The following ACTG2 variants were observed in gnomAD, a reference collection of about 807,000 sequenced individuals.
ACTG2 encodes actin, gamma-enteric smooth muscle.
In ACTG2, 16 loss-of-function variants were observed where a neutral mutation model predicts 37.6. The observed-to-expected ratio is 0.43, with a 90% confidence interval of 0.29 to 0.65. The LOEUF (loss-of-function observed/expected upper bound fraction) is 0.65, where lower values mean the gene tolerates loss of function less well. ACTG2 is among the 30% of genes least tolerant of loss of function. The pLI, the probability that ACTG2 is intolerant of heterozygous loss-of-function variation, is 0.18. For missense variants in ACTG2, 238 were observed against 490.9 expected, an observed-to-expected ratio of 0.48 and a Z score of 4.87; for synonymous variants, 181 against 179.9, an observed-to-expected ratio of 1.01 and a Z score of -0.05.
intron 5 of ACTG2, among the ~76,000 whole-genome samples, chr2:73,910,328 T>C (rs1035825764): frequency 6.6e-6 from 1 of 151,456 alleles, no homozygotes; most frequent in Non-Finnish European, 1.5e-5. Flanking sequence ...TTTTACTTTT[T>C]TTGTAGTGAC....
chr2:73,917,188 A>AAAAT (rs3835742), intron 8 of ACTG2, among the ~76,000 whole-genome samples: 78,711 of 150,604 alleles, frequency 0.52, 22,124 homozygotes, highest in Non-Finnish European at 0.61. Context: ...CCTGTCTCTA[A>AAAAT]AAATAAATAA....
rs1013391651 is a variant in ACTG2 at position 73,908,505 on chromosome 2, T to C, written c.256-168T>C. 9.3e-6 allele frequency: 6 copies of C among 642,918 alleles called. No individual in the cohort carries two copies. The African/African-American group carries it at 1.1e-4, about 12-fold the overall frequency. The allele number at this position is 642,918 out of a possible 1,614,324, so 39.8% of individuals were successfully genotyped here. On this transcript the variant is annotated intron_variant, in intron 3 of 8. Transcript: ENST00000345517. Reference sequence around the variant, plus strand: ...TACCTGGGGCCCTGTTGAGAAGGAGTATACCCTTTAAATGTCAATCAGAAA... The same window carrying C: ...TACCTGGGGCCCTGTTGAGAAGGAGCATACCCTTTAAATGTCAATCAGAAA...
chr2:73,909,263 T>G, intron 5 of ACTG2, 124 bp downstream of exon 5: 1 of 797,448 alleles, frequency 1.3e-6, no homozygotes, highest in Non-Finnish European at 2.1e-6. Context: ...AAATCTTTCT[T>G]AGGGATAATA....
Position 73,916,700 on chromosome 2 carries a change from C to G in ACTG2, c.922C>G (p.Pro308Ala). ...NVLSGGTTMYPGIADRMQKEI... is the reference protein window; with the variant it reads ...NVLSGGTTMYAGIADRMQKEI... ...CCTCTCTGGGGGCACCACCATGTACCCTGGCATTGCTGACAGGATGCAGAA... is the reference window on the plus strand; with the variant it reads ...CCTCTCTGGGGGCACCACCATGTACGCTGGCATTGCTGACAGGATGCAGAA... Residue 308 changes from proline to alanine, a missense_variant, in exon 8 of 9, where the codon CCT (proline) becomes GCT (alanine). Transcript: ENST00000345517. The G allele has an allele frequency of 1.2e-6, 2 of 1,614,100 alleles. No individual in the cohort carries two copies. The highest frequency in any genetic ancestry group is 1.7e-5 in the Admixed American group (1 of 59,998).
At chr2:73,911,911 T>C (rs981292274) in intron 5 of ACTG2, among the ~76,000 whole-genome samples, 10 of 152,248 alleles carry the variant, frequency 6.6e-5, no homozygotes, top group Non-Finnish European at 1.5e-4. Flanking sequence ...TCATTAATCA[T>C]TTATTCACTG....
intron 1 of ACTG2, among the ~76,000 whole-genome samples, chr2:73,898,201 G>A (rs1679790996): frequency 6.7e-6 from 1 of 148,924 alleles, no homozygotes; most frequent in African/African-American, 2.4e-5. Context: ...CCCCAAAGTA[G>A]TGACGAAGGC....
At chr2:73,910,200 G>A (rs1255432145) in intron 5 of ACTG2, among the ~76,000 whole-genome samples, 1 of 140,216 alleles carries the variant, frequency 7.1e-6, no homozygotes, top group Non-Finnish European at 1.6e-5. Flanking sequence ...GTGTGACAGA[G>A]CGAGACTCCG....
At chr2:73,909,776 C>T (rs190524612) in intron 5 of ACTG2, among the ~76,000 whole-genome samples, 3 of 152,160 alleles carry the variant, frequency 2.0e-5, no homozygotes, top group East Asian at 1.9e-4. Flanking sequence ...GTGTAGGGCA[C>T]TTACATGAAT....
chr2:73,905,035 C>T (rs1186560082), intron 3 of ACTG2, among the ~76,000 whole-genome samples: 1 of 151,226 alleles, frequency 6.6e-6, no homozygotes, highest in African/African-American at 2.4e-5. Flanking sequence ...AAAGTTAAAA[C>T]AATTTGATAC....
intron 3 of ACTG2, among the ~76,000 whole-genome samples, chr2:73,907,935 C>G (rs1458510640): frequency 1.3e-5 from 2 of 152,194 alleles, no homozygotes; most frequent in African/African-American, 4.8e-5. Context: ...AAATTGAGCC[C>G]AAGTGCCTCT....
chr2:73,896,332 T>C (rs1014764635), intron 1 of ACTG2, among the ~76,000 whole-genome samples: 9 of 128,802 alleles, frequency 7.0e-5, no homozygotes, highest in Non-Finnish European at 1.3e-4. Flanking sequence ...GGTGACAGAG[T>C]GAGGCCCAGT....
intron 3 of ACTG2, chr2:73,908,226 T>C (rs761523233): frequency 1.3e-5 from 6 of 467,772 alleles, no homozygotes; most frequent in Non-Finnish European, 2.6e-5. Context: ...GGAACTGTGC[T>C]CATGGAGGGC....
rs765425340 is a variant in ACTG2 at position 73,908,655 on chromosome 2, G to A, written c.256-18G>A. On this transcript the variant is annotated intron_variant, in intron 3 of 8. Coordinates refer to ENST00000345517, the MANE Select transcript of ACTG2 (RefSeq NM_001615.4). ...CATTGGGAGTCTGCCAGGCTCATAT[G>A]GCTTTTGTCTCCACTAGATCTGGCA... 6.3e-7 allele frequency: 1 copy of A among 1,581,866 alleles called. No homozygotes were observed. Among genetic ancestry groups the A allele is most frequent in the Admixed American group, 1.9e-5 (1 of 53,778 alleles).
chr2:73,917,897 G>C (rs1056586355), intron 8 of ACTG2, among the ~76,000 whole-genome samples: 4 of 152,204 alleles, frequency 2.6e-5, no homozygotes, highest in African/African-American at 9.7e-5. Context: ...CTGTGTGTCA[G>C]TATACCACGC....
intron 1 of ACTG2, among the ~76,000 whole-genome samples, chr2:73,895,431 G>C (rs1294844368): frequency 6.6e-6 from 1 of 152,210 alleles, no homozygotes; most frequent in Non-Finnish European, 1.5e-5. Context: ...GGTGCTGTTA[G>C]AATTTTCCAT....
intron 3 of ACTG2, among the ~76,000 whole-genome samples, chr2:73,906,165 A>C (rs995449270): frequency 3.9e-5 from 6 of 152,024 alleles, no homozygotes; most frequent in Admixed American, 3.9e-4. Flanking sequence ...ATTAAAAAAA[A>C]TTTTGGCCGG....
chr2:73,894,783 C>T (rs1679707351), intron 1 of ACTG2, among the ~76,000 whole-genome samples: 1 of 151,914 alleles, frequency 6.6e-6, no homozygotes, highest in Admixed American at 6.6e-5. Flanking sequence ...TCAAGTGGCT[C>T]AATTCCACTG....
chr2:73,896,170 CA>C (rs76913827), intron 1 of ACTG2, among the ~76,000 whole-genome samples: 2 of 152,046 alleles, frequency 1.3e-5, no homozygotes, highest in Admixed American at 6.6e-5. Flanking sequence ...CCTGTTTCAA[CA>C]AAAAAAATTT....
intron 1 of ACTG2, chr2:73,896,647 A>G (rs1292433147): frequency 1.3e-5 from 2 of 152,204 alleles, no homozygotes; most frequent in Non-Finnish European, 2.9e-5. Flanking sequence ...GTGGATTTTA[A>G]CAGCTCTGCC....
Sources: gnomAD v4.1 joint callset for allele counts (sites outside exome capture counted in the v4.1 genomes callset) on GRCh38, gnomAD v4.1.1 for gene constraint, MANE v1.5 for transcripts, NCBI Gene and HGNC (gene_info 2026-07-23, HGNC 2026-07-21) for gene names.